Variants in LCORL observed in about 807,000 individuals in gnomAD.
The protein encoded by LCORL is ligand-dependent nuclear receptor corepressor-like protein.
A neutral mutation model predicts 141.8 loss-of-function variants in LCORL; 41 were observed. That is an observed-to-expected ratio of 0.29 (90% CI 0.23 to 0.38). LCORL has a LOEUF of 0.38. Ranked by LOEUF, LCORL falls within the 10% of genes least tolerant of loss-of-function variation. LCORL has a pLI of 1.00. For synonymous variants in LCORL, 618 were observed against 694.1 expected, an observed-to-expected ratio of 0.89 and a Z score of 1.72; for missense variants, 1,759 against 2,035.0, an observed-to-expected ratio of 0.86 and a Z score of 2.61.
intron 4 of LCORL, among the ~76,000 whole-genome samples, chr4:17,916,106 C>G (rs974685725): frequency 6.6e-6 from 1 of 152,160 alleles, no homozygotes; most frequent in Non-Finnish European, 1.5e-5. Flanking sequence ...TGAAACTCAC[C>G]AGATGATGGC....
At chr4:17,889,148 TCA>T (rs1491528086) in intron 5 of LCORL, among the ~76,000 whole-genome samples, 1 of 152,228 alleles carries the variant, frequency 6.6e-6, no homozygotes, top group East Asian at 1.9e-4. Flanking sequence ...TTTGGACTAC[TCA>T]CACACGAAGC....
At chr4:17,897,213 C>T (rs1247321867) in intron 5 of LCORL, among the ~76,000 whole-genome samples, 116 of 63,678 alleles carry the variant, frequency 1.8e-3, no homozygotes, top group African/African-American at 4.1e-3. Flanking sequence ...ATACTGATTT[C>T]TTTTTTTTTT....
intron 1 of LCORL, among the ~76,000 whole-genome samples, chr4:17,976,803 C>T (rs1344017877): frequency 6.6e-6 from 1 of 152,114 alleles, no homozygotes; most frequent in Non-Finnish European, 1.5e-5. Context: ...TAGTGGTTTG[C>T]ATAGTTGCTG....
intron 7 of LCORL, among the ~76,000 whole-genome samples, chr4:17,869,002 C>G (rs1038398340): frequency 4.6e-5 from 7 of 151,808 alleles, no homozygotes; most frequent in Admixed American, 4.6e-4. Flanking sequence ...GGATTCTGCC[C>G]ACAAATTACC....
At chr4:17,883,659 TACACACACACGCAAACACACACAC>T (rs1250792870) in intron 6 of LCORL, 5 of 1,433,738 alleles carry the variant, frequency 3.5e-6, no homozygotes, top group East Asian at 2.5e-5. Flanking sequence ...CCTGTGCACA[TACACACACACGCAAACACACACAC>T]ACACACACAC....
intron 4 of LCORL, among the ~76,000 whole-genome samples, chr4:17,936,969 T>A (rs1370424018): frequency 6.6e-6 from 1 of 152,202 alleles, no homozygotes; most frequent in East Asian, 1.9e-4. Context: ...GGGTCATTTT[T>A]TATTATCCTG....
chr4:17,911,038 A>C (rs1260984726), intron 4 of LCORL, among the ~76,000 whole-genome samples: 1 of 152,184 alleles, frequency 6.6e-6, no homozygotes, highest in African/African-American at 2.4e-5. Context: ...AACTTAGGCT[A>C]GTTACATATT....
At chr4:17,845,877 C>T in exon 8 of LCORL, 1 of 1,610,734 alleles carries the variant, frequency 6.2e-7, no homozygotes. Context: ...CATTCAGTTT[C>T]TCATCAGTTT....
intron 7 of LCORL, among the ~76,000 whole-genome samples, chr4:17,870,465 G>A (rs374248259): frequency 6.6e-6 from 1 of 152,198 alleles, no homozygotes; most frequent in African/African-American, 2.4e-5. Flanking sequence ...CTAAATCTGA[G>A]TTCAATTCCT....
chr4:17,984,510 T>G (rs559935617), intron 1 of LCORL, among the ~76,000 whole-genome samples: 15 of 152,222 alleles, frequency 9.9e-5, no homozygotes, highest in African/African-American at 3.4e-4. Context: ...GGGGTATATG[T>G]GGCCAGAAAT....
intron 1 of LCORL, chr4:18,020,476 A>G (rs1442813838): frequency 6.6e-6 from 1 of 150,506 alleles, no homozygotes; most frequent in African/African-American, 2.4e-5. Context: ...ACAAACACCC[A>G]CAACGCGCCC....
chr4:17,998,767 C>A (rs1159824925), intron 1 of LCORL, among the ~76,000 whole-genome samples: 1 of 151,350 alleles, frequency 6.6e-6, no homozygotes, highest in Non-Finnish European at 1.5e-5. Flanking sequence ...GAGTTCAAGA[C>A]CAGCCTGGGC....
At chr4:17,880,544 A>G (rs1159623254) in intron 6 of LCORL, 1 of 954,370 alleles carries the variant, frequency 1.0e-6, no homozygotes, top group East Asian at 1.2e-4. Flanking sequence ...AAATTAGAAT[A>G]CTATATTTAA....
At chr4:17,903,884 A>C (rs1195572679) in intron 5 of LCORL, among the ~76,000 whole-genome samples, 1 of 152,044 alleles carries the variant, frequency 6.6e-6, no homozygotes, top group African/African-American at 2.4e-5. Flanking sequence ...AGTTTCAACA[A>C]ACATTTACAG....
At chr4:17,924,103 T>C (rs564584143) in intron 4 of LCORL, among the ~76,000 whole-genome samples, 3 of 152,042 alleles carry the variant, frequency 2.0e-5, no homozygotes, top group Non-Finnish European at 2.9e-5. Context: ...GGAAGAATCA[T>C]GATTGGGAAA....
At chr4:17,998,233 G>C (rs1721222940) in intron 1 of LCORL, among the ~76,000 whole-genome samples, 1 of 152,288 alleles carries the variant, frequency 6.6e-6, no homozygotes, top group Non-Finnish European at 1.5e-5. Flanking sequence ...GTGAGTGAAT[G>C]TGAAAGCCTA....
At chr4:17,975,099 T>A (rs1716696226) in intron 1 of LCORL, among the ~76,000 whole-genome samples, 2 of 152,034 alleles carry the variant, frequency 1.3e-5, no homozygotes, top group East Asian at 3.9e-4. Context: ...CCTCTTTATA[T>A]CCTTCTAATT....
intron 7 of LCORL, among the ~76,000 whole-genome samples, chr4:17,864,566 C>A (rs1725415224): frequency 6.6e-6 from 1 of 151,942 alleles, no homozygotes; most frequent in South Asian, 2.1e-4. Context: ...TGTATTGATC[C>A]AAAAGAAGGC....
intron 4 of LCORL, among the ~76,000 whole-genome samples, chr4:17,941,087 C>G (rs142284121): frequency 6.6e-6 from 1 of 152,022 alleles, no homozygotes; most frequent in East Asian, 1.9e-4. Flanking sequence ...AAAATGCATC[C>G]CCATCAGGGC....
Sources: gnomAD v4.1 joint callset for allele counts (sites outside exome capture counted in the v4.1 genomes callset) on GRCh38, gnomAD v4.1.1 for gene constraint, MANE v1.5 for transcripts, NCBI Gene and HGNC (gene_info 2026-07-23, HGNC 2026-07-21) for gene names.